CFAP54: variants seen among roughly 807,000 people sequenced by gnomAD.
CFAP54 encodes cilia- and flagella-associated protein 54.
A neutral mutation model predicts 370.4 loss-of-function variants in CFAP54; 290 were observed. That is an observed-to-expected ratio of 0.78 (90% confidence interval 0.71 to 0.86). The LOEUF is 0.86. CFAP54 is among the 40% of genes least tolerant of loss of function. The pLI is 0.00. For synonymous variants in CFAP54, 1,206 were observed against 1,236.5 expected (o/e 0.98, Z 0.52); for missense variants, 3,399 against 3,528.7 (o/e 0.96, Z 0.93).
rs1955476210 is a variant in CFAP54, at chr12:96,534,139, G to A, written c.1617G>A (p.Val539=). 1 of 1,531,460 alleles carries A rather than the reference G, an allele frequency of 6.5e-7. No homozygotes were observed. The highest frequency in any genetic ancestry group is 1.4e-5 in the African/African-American group (1 of 72,918). 94.9% of individuals were successfully genotyped at this position (1,531,460 alleles called of 1,614,324 possible). ...TTGCAATGGAACCACTAATCAACGT[G>A]AAGAGAAACAAAGGTTTGATCTTTC... The part of the protein sequence containing the change: ...LLIAMEPLIN[V]KRNKGLIFPL... Residue 539 remains valine (V), a synonymous_variant, in exon 11 of 68, where the codon GTG becomes GTA. Transcript: ENST00000524981.
chr12:96,584,791 C>T (rs755354300), intron 22 of CFAP54, among the ~76,000 whole-genome samples: 13 of 152,204 alleles, frequency 8.5e-5, no homozygotes, highest in Non-Finnish European at 1.5e-4. Flanking sequence ...AGAGTCCAAG[C>T]AGCTCTAGGT....
intron 17 of CFAP54, among the ~76,000 whole-genome samples, chr12:96,562,664 C>CA (rs1955828253): frequency 6.6e-6 from 1 of 152,048 alleles, no homozygotes; most frequent in African/African-American, 2.4e-5. Context: ...CTCCTGACCT[C>CA]AAACGATCTG....
At chr12:96,803,321 C>T (rs1357358308) in intron 63 of CFAP54, among the ~76,000 whole-genome samples, 1 of 152,122 alleles carries the variant, frequency 6.6e-6, no homozygotes, top group East Asian at 1.9e-4. Context: ...TATTTCTCCA[C>T]AGCCTCTGTT....
chr12:96,502,508 AT>A (rs1383674272), intron 2 of CFAP54, among the ~76,000 whole-genome samples: 1 of 151,920 alleles, frequency 6.6e-6, no homozygotes, highest in South Asian at 2.1e-4. Context: ...CTTGTGGAAA[AT>A]TTTTTTTAAA....
chr12:96,780,752 A>G (rs1958572769), intron 60 of CFAP54, among the ~76,000 whole-genome samples: 1 of 152,186 alleles, frequency 6.6e-6, no homozygotes, highest in South Asian at 2.1e-4. Flanking sequence ...GAGTTGATAA[A>G]AAATATCCCA....
chr12:96,670,504 A>T (rs1044774580), intron 39 of CFAP54, among the ~76,000 whole-genome samples: 3 of 152,232 alleles, frequency 2.0e-5, no homozygotes, highest in African/African-American at 7.2e-5. Flanking sequence ...GACCACAGTC[A>T]CATGGCCACA....
chr12:96,720,267 G>A (rs764126183), intron 49 of CFAP54, 138 bp from the exon 50 acceptor site: 11 of 704,816 alleles, frequency 1.6e-5, no homozygotes, highest in Non-Finnish European at 2.2e-5. Flanking sequence ...TCTCTTCTCT[G>A]GTAATTAGAT....
chr12:96,737,466 T>C (rs1255942695), intron 50 of CFAP54, among the ~76,000 whole-genome samples: 1 of 148,186 alleles, frequency 6.7e-6, no homozygotes, highest in Non-Finnish European at 1.5e-5. Context: ...AGATATATTA[T>C]ATATTATATT....
At chr12:96,645,308 G>C (rs1956775897) in intron 33 of CFAP54, 1 of 337,646 alleles carries the variant, frequency 3.0e-6, no homozygotes, top group Non-Finnish European at 6.0e-6. Context: ...ACCAATAACA[G>C]ACAAACAAAG....
At chr12:96,660,067 G>A (rs1292648675) in intron 38 of CFAP54, among the ~76,000 whole-genome samples, 1 of 152,190 alleles carries the variant, frequency 6.6e-6, no homozygotes, top group Non-Finnish European at 1.5e-5. Flanking sequence ...ATAAGTCAAC[G>A]GACTAGAGAT....
chr12:96,622,267 T>C (rs1956505362), intron 27 of CFAP54, among the ~76,000 whole-genome samples: 1 of 152,130 alleles, frequency 6.6e-6, no homozygotes, highest in Non-Finnish European at 1.5e-5. Context: ...TCCTTGAAAC[T>C]ATGTAGTTTT....
intron 24 of CFAP54, among the ~76,000 whole-genome samples, 177 bp from the exon 25 acceptor site, chr12:96,594,114 C>T (rs185102729): frequency 7.9e-4 from 120 of 152,170 alleles, no homozygotes; most frequent in African/African-American, 2.7e-3. Flanking sequence ...TAAGATCGTG[C>T]TATCTATAGG....
At chr12:96,796,534 T>C (rs1188527211) in intron 63 of CFAP54, among the ~76,000 whole-genome samples, 1 of 152,206 alleles carries the variant, frequency 6.6e-6, no homozygotes, top group Non-Finnish European at 1.5e-5. Flanking sequence ...TTTTATGCAG[T>C]CTTTAAGCAA....
intron 23 of CFAP54, among the ~76,000 whole-genome samples, chr12:96,591,426 A>C (rs1001535524): frequency 6.6e-6 from 1 of 152,162 alleles, no homozygotes. Context: ...GAGAGCAGGC[A>C]GAAGCTTAGT....
intron 60 of CFAP54, among the ~76,000 whole-genome samples, chr12:96,774,457 G>A (rs898192469): frequency 1.3e-5 from 2 of 151,964 alleles, no homozygotes; most frequent in African/African-American, 4.8e-5. Flanking sequence ...TTTTCCAGAT[G>A]GCTACCCCAT....
chr12:96,513,149 G>T (rs1955191763), intron 5 of CFAP54, 105 bp downstream of exon 5: 1 of 406,140 alleles, frequency 2.5e-6, no homozygotes, highest in Non-Finnish European at 4.0e-6. Flanking sequence ...AATATTTGGA[G>T]AATTATATAA....
In CFAP54 at chr12:96,708,787, C is replaced by G. The variant is rs555470478; in HGVS notation, c.6708C>G (p.Asn2236Lys). The change falls in exon 48 of 68, where the codon AAC becomes AAG. Residue 2236 changes from asparagine (N) to lysine (K), a missense_variant. Coordinates refer to ENST00000524981, the MANE Select transcript of CFAP54 (RefSeq NM_001306084.2). The stretch of plus-strand genomic sequence containing the variant: ...TAATTACCAACAAGAGCAAACCAAA[C>G]CTACCAAACTTGGAAGGTAATTGTT... ...KTVITNKSKPNLPNLEEIYSK... is the reference protein window; with the variant it reads ...KTVITNKSKPKLPNLEEIYSK... 2 of 1,596,146 alleles carry G rather than the reference C, an allele frequency of 1.3e-6. No individual in the cohort carries two copies. Among genetic ancestry groups the G allele is most frequent in the African/African-American group, 1.3e-5 (1 of 74,134 alleles).
At chr12:96,558,935 G>T (rs1955785715) in intron 17 of CFAP54, among the ~76,000 whole-genome samples, 1 of 152,150 alleles carries the variant, frequency 6.6e-6, no homozygotes, top group East Asian at 1.9e-4. Flanking sequence ...GCGAAGTAAG[G>T]CTGGGCACTG....
intron 62 of CFAP54, 149 bp downstream of exon 62, chr12:96,787,047 GA>G (rs1958636992): frequency 3.1e-6 from 2 of 646,938 alleles, no homozygotes; most frequent in South Asian, 2.0e-5. Context: ...TTACCATGTG[GA>G]TAGGCTAACC....
Sources: gnomAD v4.1 joint callset for allele counts (sites outside exome capture counted in the v4.1 genomes callset) on GRCh38, gnomAD v4.1.1 for gene constraint, MANE v1.5 for transcripts, NCBI Gene and HGNC (gene_info 2026-07-23, HGNC 2026-07-21) for gene names.